NCKAP5: variants seen among roughly 807,000 people sequenced by gnomAD.
NCKAP5 encodes NCK associated protein 5.
NCKAP5 carries 92 observed loss-of-function variants against 167.0 expected under a neutral mutation model. The observed-to-expected ratio is 0.55, with a 90% confidence interval of 0.47 to 0.66. NCKAP5 has a LOEUF of 0.66. Ranked by LOEUF, NCKAP5 falls within the 30% of genes least tolerant of loss-of-function variation. The pLI is 0.00. For synonymous variants in NCKAP5, 891 were observed against 877.4 expected, an observed-to-expected ratio of 1.02 and a Z score of -0.27; for missense variants, 2,378 against 2,315.0, an observed-to-expected ratio of 1.03 and a Z score of -0.56.
At chr2:132,979,243 C>CT (rs1256135902) in intron 7 of NCKAP5, among the ~76,000 whole-genome samples, 3 of 152,014 alleles carry the variant, frequency 2.0e-5, no homozygotes, top group Non-Finnish European at 2.9e-5. Context: ...AGAGTCCTGT[C>CT]TTTTTTTTCA....
chr2:133,312,294 G>A (rs1681295591), intron 3 of NCKAP5, among the ~76,000 whole-genome samples: 1 of 152,184 alleles, frequency 6.6e-6, no homozygotes, highest in South Asian at 2.1e-4. Context: ...ATCAGACTAT[G>A]AGTACAGCTT....
intron 5 of NCKAP5, among the ~76,000 whole-genome samples, chr2:133,168,360 G>A (rs886840623): frequency 7.0e-6 from 1 of 143,856 alleles, no homozygotes; most frequent in Non-Finnish European, 1.5e-5. Flanking sequence ...CATATATAAA[G>A]CCCCCAACCA....
At chr2:133,640,135 A>G in the NCKAP5 span, among the ~76,000 whole-genome samples, 1,113 of 152,346 alleles carry the variant, frequency 7.3e-3, 15 homozygotes, top group African/African-American at 0.025. Flanking sequence ...ACCATTGGAT[A>G]TTTGAAGAAG....
chr2:133,298,965 G>T (rs1023281408), intron 4 of NCKAP5, among the ~76,000 whole-genome samples: 1 of 151,940 alleles, frequency 6.6e-6, no homozygotes, highest in African/African-American at 2.4e-5. Flanking sequence ...CATGACGCAT[G>T]TATACATATG....
intron 4 of NCKAP5, among the ~76,000 whole-genome samples, chr2:133,251,404 G>T (rs2088320570): frequency 6.6e-6 from 1 of 152,054 alleles, no homozygotes; most frequent in Admixed American, 6.6e-5. Context: ...CCCTAAAACT[G>T]CCATTGAGCT....
intron 5 of NCKAP5, among the ~76,000 whole-genome samples, chr2:133,211,703 G>T (rs961295435): frequency 5.9e-5 from 9 of 152,084 alleles, no homozygotes; most frequent in African/African-American, 2.2e-4. Flanking sequence ...ATAATAAATG[G>T]TTTTTTTATA....
chr2:133,472,896 C>T (rs1456064499), intron 3 of NCKAP5, among the ~76,000 whole-genome samples: 1 of 152,110 alleles, frequency 6.6e-6, no homozygotes, highest in African/African-American at 2.4e-5. Context: ...TGTTGGATTG[C>T]TTCTCTTATT....
the NCKAP5 span, among the ~76,000 whole-genome samples, chr2:133,661,599 G>A: frequency 2.0e-5 from 3 of 152,114 alleles, no homozygotes; most frequent in Non-Finnish European, 4.4e-5. Context: ...CCCTGCTATC[G>A]CTACCATAAT....
At chr2:133,199,531 A>G (rs531986445) in intron 5 of NCKAP5, among the ~76,000 whole-genome samples, 62 of 152,200 alleles carry the variant, frequency 4.1e-4, no homozygotes, top group South Asian at 8.3e-4. Context: ...ATATAAATAC[A>G]TATCAATTAC....
At chr2:133,378,401 A>G (rs929116337) in intron 3 of NCKAP5, among the ~76,000 whole-genome samples, 5 of 152,328 alleles carry the variant, frequency 3.3e-5, no homozygotes, top group Admixed American at 2.6e-4. Flanking sequence ...GACACTAAAC[A>G]TCTGAATTAT....
intron 16 of NCKAP5, among the ~76,000 whole-genome samples, chr2:132,753,953 C>A (rs1235011732): frequency 1.3e-5 from 2 of 152,138 alleles, no homozygotes; most frequent in Non-Finnish European, 1.5e-5. Context: ...AGATGGATAC[C>A]CAGCTCCCTC....
At position 132,839,086 on chromosome 2, in the gene NCKAP5, G is replaced by A. The variant is rs72991355; in HGVS notation, c.807+21406C>T. Among the ~76,000 whole-genome samples the A allele has an allele frequency of 9.3e-3, 1,421 of 152,152 alleles. 15 individuals carry two copies. Among genetic ancestry groups the A allele is most frequent in the African/African-American group, 0.033 (1,367 of 41,520 alleles). On this transcript the variant is annotated intron_variant, in intron 11 of 19. Coordinates refer to ENST00000409261, the MANE Select transcript of NCKAP5 (RefSeq NM_207363.3). ...GTCTTTTTCTTGTCCATTTGTAAGA[G>A]CTCTTTGTATATTATAGATGTTTGT... is the stretch of plus-strand genomic sequence containing the variant.
At chr2:133,442,021 C>T (rs973208530) in intron 3 of NCKAP5, among the ~76,000 whole-genome samples, 2 of 152,006 alleles carry the variant, frequency 1.3e-5, no homozygotes, top group African/African-American at 4.8e-5. Context: ...CAAAATGTCA[C>T]AACAAAAAAG....
chr2:132,869,968 C>T (rs555290726), intron 9 of NCKAP5, among the ~76,000 whole-genome samples: 3 of 152,152 alleles, frequency 2.0e-5, no homozygotes, highest in African/African-American at 7.2e-5. Context: ...TCAGGGATCT[C>T]ATTTTCTTCA....
At chr2:132,925,890 T>C (rs771474352) in intron 8 of NCKAP5, among the ~76,000 whole-genome samples, 8 of 152,218 alleles carry the variant, frequency 5.3e-5, no homozygotes, top group Non-Finnish European at 1.0e-4. Flanking sequence ...TAATCTTTTC[T>C]AAAAAATTTT....
At chr2:133,062,817 T>A (rs1443448079) in intron 6 of NCKAP5, among the ~76,000 whole-genome samples, 1 of 152,238 alleles carries the variant, frequency 6.6e-6, no homozygotes, top group Non-Finnish European at 1.5e-5. Flanking sequence ...ATTCATTTAC[T>A]TACAATGTTT....
chr2:133,001,401 G>A (rs185243085), intron 6 of NCKAP5, among the ~76,000 whole-genome samples: 225 of 151,950 alleles, frequency 1.5e-3, no homozygotes, highest in African/African-American at 5.0e-3. Context: ...TGTATTTTTC[G>A]GAGAGACAGG....
chr2:132,851,120 G>A (rs1214582179), intron 11 of NCKAP5, among the ~76,000 whole-genome samples: 1 of 152,130 alleles, frequency 6.6e-6, no homozygotes, highest in East Asian at 1.9e-4. Flanking sequence ...TGCTTTAAAG[G>A]CGGAAAAGTT....
intron 4 of NCKAP5, among the ~76,000 whole-genome samples, chr2:133,275,677 G>C (rs1021437771): frequency 1.3e-5 from 2 of 151,946 alleles, no homozygotes; most frequent in Non-Finnish European, 2.9e-5. Context: ...TCCTATGCAC[G>C]TGTATCAATG....
Sources: allele counts gnomAD v4.1 joint callset (sites outside exome capture counted in the v4.1 genomes callset), GRCh38; gene constraint gnomAD v4.1.1; transcripts MANE v1.5; gene names NCBI Gene and HGNC (gene_info 2026-07-23, HGNC 2026-07-21).